Variants in PRC1 observed in about 807,000 individuals in gnomAD.
PRC1 encodes protein regulator of cytokinesis 1, also known as anaphase spindle elongation 1 homolog.
A neutral mutation model predicts 91.2 loss-of-function variants in PRC1; 54 were observed. The ratio of observed to expected loss-of-function variants is 0.59; its 90% CI spans 0.48 to 0.74. The LOEUF (loss-of-function observed/expected upper bound fraction) is 0.74. Ranked by LOEUF, PRC1 falls within the 30% of genes least tolerant of loss-of-function variation. The pLI is 0.00. For missense variants in PRC1, 727 were observed against 746.2 expected (o/e 0.97, Z 0.30); for synonymous variants, 275 against 263.6 (o/e 1.04, Z -0.42).
chr15:90,969,592 T>C lies in PRC1; in HGVS notation c.1604A>G (p.Lys535Arg). The change falls in exon 13 of 15, where the codon AAA becomes AGA. Residue 535 changes from lysine (K) to arginine (R), a missense_variant. By Grantham distance (26) the Lys-to-Arg change is conservative. Transcript: ENST00000394249. ...TCCATGCCTGCCAGTACGGGGTGTT[T>C]TCTTCCCTGAACAGGTGGAAGCAGC... The part of the protein sequence containing the change: ...PVAASTCSGK[K>R]TPRTGRHGAN... 1.2e-6 allele frequency: 2 copies of C among 1,611,666 alleles called. No homozygotes were observed. Among genetic ancestry groups the C allele is most frequent in the Non-Finnish European group, 1.7e-6 (2 of 1,178,810 alleles).
chr15:90,966,562 T>C lies in PRC1; in HGVS notation c.*569A>G. 1 of 456,154 alleles carries C rather than the reference T, an allele frequency of 2.2e-6. No individual in the cohort carries two copies. The highest frequency in any genetic ancestry group is 4.4e-6 in the Non-Finnish European group (1 of 226,814). The allele number at this position is 456,154 out of a possible 1,614,324, so 28.3% of individuals were successfully genotyped here. ...AGAACTGAACACAATTTAACAAAGC[T>C]GCTCCCAGCCTTCCTGTCACCTCTT... On this transcript the variant is annotated 3_prime_UTR_variant, in exon 15 of 15. Coordinates refer to ENST00000394249, the MANE Select transcript of PRC1 (RefSeq NM_003981.4).
In PRC1 at chr15:90,974,474, GC is replaced by G; in HGVS notation, c.1350+110del. 1 of 1,469,890 alleles carries G rather than the reference GC, an allele frequency of 6.8e-7. No homozygotes were observed. The highest frequency in any genetic ancestry group is 9.3e-7 in the Non-Finnish European group (1 of 1,080,938). 91.1% of individuals were successfully genotyped at this position (1,469,890 alleles called of 1,614,324 possible). ...CGGTCCCCGGCTTCCCGTTCCACAA[GC>G]CCCGGTCCCCGGCTCCCTGTTCCAC... On this transcript the variant is annotated intron_variant, in intron 10 of 14. Transcript: ENST00000394249. The surrounding 1 kb of genome is among the most constrained non-coding windows in gnomAD (Gnocchi z 4.6).
At chr15:90,993,806 G>GATATAAA (rs2040121368) in intron 1 of PRC1, among the ~76,000 whole-genome samples, 1 of 152,174 alleles carries the variant, frequency 6.6e-6, no homozygotes, top group South Asian at 2.1e-4. Context: ...CAACGGGCCG[G>GATATAAA]GCACGGTGGC....
At chr15:90,988,285 C>T (rs969685851) in intron 1 of PRC1, 1 of 152,150 alleles carries the variant, frequency 6.6e-6, no homozygotes, top group African/African-American at 2.4e-5. Context: ...ATGCAAAACC[C>T]TGGCTTCCAG....
intron 12 of PRC1, among the ~76,000 whole-genome samples, 157 bp downstream of exon 12, chr15:90,970,247 A>G (rs569242343): frequency 6.6e-6 from 1 of 152,252 alleles, no homozygotes; most frequent in Non-Finnish European, 1.5e-5. Flanking sequence ...GTTTTGGACC[A>G]TTATTTAATG....
chr15:90,969,397 C>T (rs1160161141), intron 13 of PRC1, 50 bp downstream of exon 13: 3 of 1,546,844 alleles, frequency 1.9e-6, no homozygotes, highest in East Asian at 2.3e-5. Flanking sequence ...CCACTCTGCC[C>T]CAACTGTGTG....
rs1359277229 is a variant in PRC1, at chr15:90,974,582, T to TA, written c.1350+2dup. On this transcript the variant is annotated splice_region_variant and intron_variant, in intron 10 of 14. Coordinates refer to ENST00000394249, the MANE Select transcript of PRC1 (RefSeq NM_003981.4). The surrounding 1 kb of genome is among the most constrained non-coding windows in gnomAD (Gnocchi z 4.6). ...CCCAATTTGCGTTCACGTTCACACT[T>TA]ACTCTTTCCTGCTTGGCTCTCTCTT... 1.2e-5 allele frequency: 19 copies of TA among 1,614,030 alleles called. No individual in the cohort carries two copies. The Middle Eastern group carries it at 4.9e-4, about 42-fold the overall frequency.
Position 90,967,265 on chromosome 15 carries a change from A to G in PRC1, c.1792-63T>C, listed in dbSNP as rs1012950306. On this transcript the variant is annotated intron_variant, in intron 14 of 14. Transcript: ENST00000394249. ...TCTCTTACACATGGCCCACCCTTCT[A>G]AGTTTGGTTAAGTGTCAGCAAAAGG... is the stretch of plus-strand genomic sequence containing the variant. 9.3e-6 allele frequency: 13 copies of G among 1,393,308 alleles called. No homozygotes were observed. The African/African-American group carries it at 1.6e-4, about 17-fold the overall frequency. The allele number at this position is 1,393,308 out of a possible 1,614,324, so 86.3% of individuals were successfully genotyped here.
rs1292527442 is a variant in PRC1, at chr15:90,981,201, C to T, written c.673-168G>A. The T allele has an allele frequency of 4.4e-6, 4 of 902,136 alleles. No homozygotes were observed. In the East Asian group the frequency reaches 1.0e-4, roughly 23 times the overall value. The allele number at this position is 902,136 out of a possible 1,614,324, so 55.9% of individuals were successfully genotyped here. A position where few individuals can be genotyped will look rare whatever the true frequency, so the allele number is the denominator to read the frequency against. On this transcript the variant is annotated intron_variant, in intron 5 of 14. Transcript: ENST00000394249. Reference sequence around the variant, plus strand: ...ACACGAGCTGTAAGGCTGTCGGGATCTCAGACCCCAAGAATTAGCATTCAA... The same window carrying T: ...ACACGAGCTGTAAGGCTGTCGGGATTTCAGACCCCAAGAATTAGCATTCAA...
rs900549458 is a variant in PRC1, at chr15:90,970,413, A to C, written c.1563T>G (p.Ser521=). The C allele has an allele frequency of 3.1e-6, 5 of 1,604,490 alleles. No individual in the cohort carries two copies. Among genetic ancestry groups the C allele is most frequent in the Non-Finnish European group, 4.3e-6 (5 of 1,171,360 alleles). The change falls in exon 12 of 15, where the codon TCT becomes TCG. Residue 521 remains serine (S), a synonymous_variant. Coordinates refer to ENST00000394249, the MANE Select transcript of PRC1 (RefSeq NM_003981.4). ...CACAGGGCATACTAACCTTGCTGCC[A>C]GAAGGAGGAAGTCGAGACACGGGGG... ...YHSPVSRLPP[S]GSKPVAASTC...
intron 14 of PRC1, chr15:90,968,004 CA>C: frequency 1.0e-6 from 1 of 985,218 alleles, no homozygotes; most frequent in Non-Finnish European, 1.2e-6. Context: ...CATGGTAGAG[CA>C]GCAAAAGATA....
intron 1 of PRC1, among the ~76,000 whole-genome samples, chr15:90,994,149 G>A (rs985938937): frequency 1.3e-5 from 2 of 151,938 alleles, no homozygotes; most frequent in Non-Finnish European, 2.9e-5. Flanking sequence ...ACCGGCGCTC[G>A]GCTCCCACCC....
rs770547163 is a variant in PRC1 at position 90,984,125 on chromosome 15, TC to T, written c.159del (p.Met53IlefsTer2). 1.2e-6 allele frequency: 2 copies of T among 1,614,162 alleles called. No individual in the cohort carries two copies. Among genetic ancestry groups the T allele is most frequent in the Non-Finnish European group, 1.7e-6 (2 of 1,180,016 alleles). The stretch of plus-strand genomic sequence containing the variant: ...TTCAGGCTTTCCTCTTCAGCAATCA[TC>T]ATATCCAGGAGTTCCTACAAGAGGG... ...VKKHIKELLD[M>X]MIAEEESLKE... On this transcript the variant is annotated frameshift_variant, in exon 3 of 15. Coordinates refer to ENST00000394249, the MANE Select transcript of PRC1 (RefSeq NM_003981.4). LOFTEE classifies it high-confidence loss of function. The surrounding 1 kb of genome is among the most constrained non-coding windows in gnomAD (Gnocchi z 5.1).
chr15:90,987,109 TAAAAAAA>T, intron 1 of PRC1, among the ~76,000 whole-genome samples: 1 of 125,000 alleles, frequency 8.0e-6, no homozygotes, highest in South Asian at 2.6e-4. Context: ...CTCTGCGTCT[TAAAAAAA>T]AAAAAAAAAA....
chr15:90,984,072 G>C lies in PRC1; in HGVS notation c.213C>G (p.Val71=). ...ACAGAGTGTTCAGCTCTTTCTGACA[G>C]ACGGATATGCTTTTGATGAGTCTTT... is the stretch of plus-strand genomic sequence containing the variant. ...LKERLIKSIS[V]CQKELNTLCS... Residue 71 remains valine, a synonymous_variant, in exon 3 of 15, where the codon GTC becomes GTG. Transcript: ENST00000394249. The surrounding 1 kb of genome is among the most constrained non-coding windows in gnomAD (Gnocchi z 5.1). 6.2e-7 allele frequency: 1 copy of C among 1,614,098 alleles called. No individual in the cohort carries two copies. The highest frequency in any genetic ancestry group is 8.5e-7 in the Non-Finnish European group (1 of 1,180,018).
At chr15:90,972,214 CA>C (rs780979035) in intron 11 of PRC1, among the ~76,000 whole-genome samples, 58 of 119,222 alleles carry the variant, frequency 4.9e-4, no homozygotes, top group Middle Eastern at 4.9e-3. Context: ...ACACCACCAA[CA>C]AAAAAAAAAA....
At chr15:90,982,131 G>T in intron 3 of PRC1, 150 bp from the exon 4 acceptor site, 1 of 724,534 alleles carries the variant, frequency 1.4e-6, no homozygotes, top group Non-Finnish European at 2.3e-6. Context: ...CACAAAGAGG[G>T]TCTCCTAAGG....
chr15:90,979,084 A>G lies in PRC1; in HGVS notation c.1107+74T>C, dbSNP rs111939840. 53 of 1,504,088 alleles carry G rather than the reference A, an allele frequency of 3.5e-5. 2 individuals carry two copies. In the African/African-American group the frequency reaches 5.2e-4, roughly 15 times the overall value. 93.2% of individuals were successfully genotyped at this position (1,504,088 alleles called of 1,614,324 possible). A position where few individuals can be genotyped will look rare whatever the true frequency, so the allele number is the denominator to read the frequency against. On this transcript the variant is annotated intron_variant, in intron 8 of 14. Transcript: ENST00000394249. Reference sequence around the variant, plus strand: ...TGGGGTATCAAAAGCCTGGCAAAGAACAAAGCTAACTGGATTGATTCCGTA... The same window carrying G: ...TGGGGTATCAAAAGCCTGGCAAAGAGCAAAGCTAACTGGATTGATTCCGTA...
rs766937060 is a variant in PRC1, at chr15:90,970,465, G to A, written c.1511C>T (p.Pro504Leu). 3 of 1,613,930 alleles carry A rather than the reference G, an allele frequency of 1.9e-6. No homozygotes were observed. The highest frequency in any genetic ancestry group is 2.5e-6 in the Non-Finnish European group (3 of 1,179,834). Reference protein sequence around the residue: ...SNATANSSIRPIFGGTVYHSP... With the variant: ...SNATANSSIRLIFGGTVYHSP... The stretch of plus-strand genomic sequence containing the variant: ...GTGGTAGACTGTCCCTCCAAAGATA[G>A]GCCGAATGCTACTATTGGCCGTAGC... The change falls in exon 12 of 15, where the codon CCT (proline) becomes CTT (leucine). Residue 504 changes from proline (P) to leucine (L), a missense_variant. Coordinates refer to ENST00000394249, the MANE Select transcript of PRC1 (RefSeq NM_003981.4).
Sources: gnomAD v4.1 joint callset for allele counts (sites outside exome capture counted in the v4.1 genomes callset) on GRCh38, gnomAD v4.1.1 for gene constraint, Gnocchi (gnomAD v3.1) non-coding constraint, MANE v1.5 for transcripts, NCBI Gene and HGNC (gene_info 2026-07-23, HGNC 2026-07-21) for gene names.